The following TBL1XR1 variants were observed in gnomAD, a reference collection of about 807,000 sequenced individuals.
TBL1XR1 encodes the protein F-box-like/WD repeat-containing protein TBL1XR1.
TBL1XR1 carries 5 observed loss-of-function variants against 66.9 expected under a neutral mutation model. The ratio of observed to expected loss-of-function variants is 0.07; its 90% CI spans 0.04 to 0.16. The LOEUF is 0.16. Ranked by LOEUF, TBL1XR1 falls within the 10% of genes least tolerant of loss-of-function variation. The pLI, the probability that TBL1XR1 is intolerant of heterozygous loss-of-function variation, is 1.00. For missense variants in TBL1XR1, 238 were observed against 623.2 expected (o/e 0.38, Z 6.58); for synonymous variants, 210 against 206.0 (o/e 1.02, Z -0.17).
chr3:177,131,213 G>A (rs1333721761), intron 1 of TBL1XR1: 3 of 342,214 alleles, frequency 8.8e-6, no homozygotes, highest in African/African-American at 6.7e-5. Flanking sequence ...ACTTCAAAGA[G>A]AACATACTGA....
intron 1 of TBL1XR1, among the ~76,000 whole-genome samples, chr3:177,187,438 A>C (rs2108993021): frequency 6.6e-6 from 1 of 152,120 alleles, no homozygotes; most frequent in African/African-American, 2.4e-5. Context: ...AAGGAATTGA[A>C]GTATCGAGTA....
intron 12 of TBL1XR1, among the ~76,000 whole-genome samples, chr3:177,035,820 A>C (rs1007345248): frequency 2.6e-5 from 4 of 152,196 alleles, no homozygotes; most frequent in African/African-American, 9.7e-5. Context: ...AGGGTGTCCG[A>C]GCCATTTACA....
intron 1 of TBL1XR1, among the ~76,000 whole-genome samples, chr3:177,115,351 A>G (rs961623445): frequency 2.0e-5 from 3 of 152,202 alleles, no homozygotes; most frequent in Non-Finnish European, 2.9e-5. Context: ...CAGTATTTAT[A>G]AGAGAGACTG....
chr3:177,046,064 G>C, intron 10 of TBL1XR1, 65 bp downstream of exon 10: 1 of 1,255,652 alleles, frequency 8.0e-7, no homozygotes, highest in Non-Finnish European at 1.1e-6. Flanking sequence ...ATTATATGCT[G>C]TTAAAAGTTT....
intron 1 of TBL1XR1, among the ~76,000 whole-genome samples, chr3:177,144,605 T>C (rs1175342269): frequency 6.6e-6 from 1 of 150,524 alleles, no homozygotes; most frequent in Non-Finnish European, 1.5e-5. Context: ...AAAAAAAAAA[T>C]TGGCTGGGTG....
At chr3:177,037,950 A>T (rs1576993198) in intron 12 of TBL1XR1, 148 bp downstream of exon 12, 1 of 622,782 alleles carries the variant, frequency 1.6e-6, no homozygotes, top group Non-Finnish European at 2.8e-6. Context: ...AAAATTTAAA[A>T]AACAATGGTT....
At chr3:177,144,233 C>CA (rs1729973058) in intron 1 of TBL1XR1, among the ~76,000 whole-genome samples, 1 of 150,918 alleles carries the variant, frequency 6.6e-6, no homozygotes, top group African/African-American at 2.4e-5. Flanking sequence ...GAAACAAGAG[C>CA]AAAACTCCGT....
At chr3:177,104,409 C>T (rs559843117) in intron 1 of TBL1XR1, among the ~76,000 whole-genome samples, 19 of 152,324 alleles carry the variant, frequency 1.2e-4, no homozygotes, top group African/African-American at 2.9e-4. Context: ...ACTACGCATA[C>T]GTCAAAGCCT....
chr3:177,175,060 T>C (rs1011046596), intron 1 of TBL1XR1, among the ~76,000 whole-genome samples: 1 of 152,202 alleles, frequency 6.6e-6, no homozygotes, highest in Non-Finnish European at 1.5e-5. Context: ...ACACCTGCCT[T>C]CTTCTCATGT....
intron 1 of TBL1XR1, among the ~76,000 whole-genome samples, chr3:177,194,969 A>G (rs895512508): frequency 6.6e-5 from 10 of 152,176 alleles, no homozygotes; most frequent in Admixed American, 4.6e-4. Flanking sequence ...AAAATGTCAT[A>G]AACTGACGGT....
At chr3:177,125,919 C>A (rs1727561620) in intron 1 of TBL1XR1, 1 of 152,080 alleles carries the variant, frequency 6.6e-6, no homozygotes, top group African/African-American at 2.4e-5. Context: ...GATACAGATA[C>A]CACATTTCTT....
At chr3:177,084,739 G>A (rs1721911399) in intron 2 of TBL1XR1, among the ~76,000 whole-genome samples, 1 of 152,120 alleles carries the variant, frequency 6.6e-6, no homozygotes, top group African/African-American at 2.4e-5. Flanking sequence ...TAATTCCTCT[G>A]CCAACGGGAA....
chr3:177,044,664 T>C (rs1162380528), intron 10 of TBL1XR1, among the ~76,000 whole-genome samples: 4 of 152,182 alleles, frequency 2.6e-5, no homozygotes, highest in African/African-American at 4.8e-5. Flanking sequence ...TTATGTCAAC[T>C]GTACCTCAAT....
chr3:177,069,600 A>C (rs148450407), intron 2 of TBL1XR1, among the ~76,000 whole-genome samples: 162 of 152,050 alleles, frequency 1.1e-3, no homozygotes, highest in African/African-American at 3.6e-3. Context: ...TTACCCAGGC[A>C]TGGTGGCGCA....
At chr3:177,099,787 T>G (rs1317873595) in intron 1 of TBL1XR1, among the ~76,000 whole-genome samples, 1 of 152,250 alleles carries the variant, frequency 6.6e-6, no homozygotes, top group African/African-American at 2.4e-5. Flanking sequence ...TGTCAATTAT[T>G]TCAGTATAAA....
intron 1 of TBL1XR1, among the ~76,000 whole-genome samples, chr3:177,117,871 A>G (rs550968908): frequency 6.6e-6 from 1 of 152,304 alleles, no homozygotes; most frequent in South Asian, 2.1e-4. Context: ...GGGAAGGAAA[A>G]AAGGTGAATG....
intron 2 of TBL1XR1, among the ~76,000 whole-genome samples, chr3:177,089,418 G>A (rs139994528): frequency 1.6e-4 from 24 of 152,248 alleles, no homozygotes; most frequent in African/African-American, 5.3e-4. Context: ...CAAATTACCC[G>A]AGGTTCCTTG....
At chr3:177,074,210 C>T (rs1045972167) in intron 2 of TBL1XR1, among the ~76,000 whole-genome samples, 1 of 152,140 alleles carries the variant, frequency 6.6e-6, no homozygotes, top group South Asian at 2.1e-4. Flanking sequence ...TAAGAAAGAA[C>T]AGAGGAGATG....
intron 3 of TBL1XR1, among the ~76,000 whole-genome samples, chr3:177,062,614 T>C (rs1718657935): frequency 6.6e-6 from 1 of 152,178 alleles, no homozygotes. Flanking sequence ...AAGGGACTGA[T>C]TTTCACATTT....
Sources: gnomAD v4.1 joint callset for allele counts (sites outside exome capture counted in the v4.1 genomes callset) on GRCh38, gnomAD v4.1.1 for gene constraint, MANE v1.5 for transcripts, NCBI Gene and HGNC (gene_info 2026-07-23, HGNC 2026-07-21) for gene names.